EIF4G3: variants seen among roughly 807,000 people sequenced by gnomAD.
EIF4G3 encodes the protein eIF-4-gamma 3.
Under a neutral mutation model 186.4 loss-of-function variants are expected in EIF4G3, and 34 were observed. The observed-to-expected ratio is 0.18, with a 90% CI of 0.14 to 0.24. The LOEUF (loss-of-function observed/expected upper bound fraction) is 0.24. EIF4G3 is among the 10% of genes least tolerant of loss of function. The pLI is 1.00. For missense variants in EIF4G3, 1,536 were observed against 1,948.5 expected (o/e 0.79, Z 3.99); for synonymous variants, 673 against 679.5 (o/e 0.99, Z 0.15).
At chr1:20,967,926 T>C (rs1199603563) in intron 12 of EIF4G3, among the ~76,000 whole-genome samples, 1 of 152,186 alleles carries the variant, frequency 6.6e-6, no homozygotes, top group Non-Finnish European at 1.5e-5. Flanking sequence ...AATAGCTTTC[T>C]TTTTATCTGT....
chr1:21,002,675 T>C (rs765643920), intron 5 of EIF4G3, 38 bp downstream of exon 5: 5 of 1,607,168 alleles, frequency 3.1e-6, no homozygotes, highest in Admixed American at 1.7e-5. Flanking sequence ...CAAACACAGG[T>C]AGAGAATGTA....
Position 20,894,355 on chromosome 1 carries a change from G to A in EIF4G3, c.2134-719C>T, listed in dbSNP as rs536756582. Among the ~76,000 whole-genome samples the A allele has an allele frequency of 2.0e-5, 3 of 152,336 alleles. No homozygotes were observed. The South Asian group carries it at 6.2e-4, about 32-fold the overall frequency. On this transcript the variant is annotated intron_variant, in intron 17 of 36. Coordinates refer to ENST00000602326, the MANE Select transcript of EIF4G3 (RefSeq NM_001391906.1). ...AACACTTGACTTCTGAGGTACTGAAGTAGCCTCAAATTAGCACCATTAATC... is the reference window on the plus strand; with the variant it reads ...AACACTTGACTTCTGAGGTACTGAAATAGCCTCAAATTAGCACCATTAATC...
chr1:21,053,582 G>A (rs1242490325), intron 3 of EIF4G3, among the ~76,000 whole-genome samples: 4 of 146,922 alleles, frequency 2.7e-5, no homozygotes, highest in South Asian at 4.3e-4. Context: ...CGCCCTGTCC[G>A]GGAGGGAGGT....
intron 20 of EIF4G3, among the ~76,000 whole-genome samples, chr1:20,872,570 C>T (rs1238713862): frequency 6.6e-6 from 1 of 152,090 alleles, no homozygotes; most frequent in Non-Finnish European, 1.5e-5. Flanking sequence ...TCCATAAATA[C>T]CACCAGGTAT....
At chr1:20,974,268 T>C (rs1408887464) in intron 10 of EIF4G3, among the ~76,000 whole-genome samples, 1 of 152,132 alleles carries the variant, frequency 6.6e-6, no homozygotes, top group African/African-American at 2.4e-5. Context: ...CAAGACTAGA[T>C]AACTCAGGAA....
intron 10 of EIF4G3, among the ~76,000 whole-genome samples, chr1:20,978,635 C>G (rs1240391964): frequency 6.7e-6 from 1 of 148,732 alleles, no homozygotes; most frequent in African/African-American, 2.5e-5. Context: ...ATGCTGTACA[C>G]GCTACATGCC....
intron 19 of EIF4G3, among the ~76,000 whole-genome samples, chr1:20,883,177 C>T (rs889715475): frequency 2.6e-5 from 4 of 151,848 alleles, no homozygotes; most frequent in African/African-American, 9.7e-5. Context: ...ACAGTTATTG[C>T]CTTCTACAGA....
At chr1:21,042,392 C>T (rs1181318766) in intron 4 of EIF4G3, among the ~76,000 whole-genome samples, 1 of 152,104 alleles carries the variant, frequency 6.6e-6, no homozygotes, top group African/African-American at 2.4e-5. Context: ...CTTTACTATT[C>T]ATTGAGAAAA....
chr1:21,166,370 C>T (rs185850774), intron 2 of EIF4G3, among the ~76,000 whole-genome samples: 76 of 152,162 alleles, frequency 5.0e-4, no homozygotes, highest in African/African-American at 1.8e-3. Flanking sequence ...GTCAAGGCTA[C>T]TGTGAGCCAT....
chr1:21,083,037 C>CAAAAAAAAAAAAAAAA (rs544781256), intron 3 of EIF4G3, among the ~76,000 whole-genome samples: 9 of 66,422 alleles, frequency 1.4e-4, no homozygotes, highest in East Asian at 1.1e-3. Flanking sequence ...GACTCTGTCT[C>CAAAAAAAAAAAAAAAA]AAAAAAAAAA....
intron 3 of EIF4G3, among the ~76,000 whole-genome samples, chr1:21,062,505 TA>T (rs1367704296): frequency 6.6e-6 from 1 of 152,168 alleles, no homozygotes; most frequent in Non-Finnish European, 1.5e-5. Flanking sequence ...CCAATGTCAG[TA>T]GTCTCAGGAT....
At chr1:21,086,959 A>C (rs1410175839) in intron 3 of EIF4G3, among the ~76,000 whole-genome samples, 1 of 151,110 alleles carries the variant, frequency 6.6e-6, no homozygotes, top group Non-Finnish European at 1.5e-5. Flanking sequence ...AAAAAGAAAA[A>C]AAGAAATGGC....
At chr1:21,052,905 T>G (rs1276604960) in intron 3 of EIF4G3, among the ~76,000 whole-genome samples, 1 of 152,184 alleles carries the variant, frequency 6.6e-6, no homozygotes, top group Non-Finnish European at 1.5e-5. Context: ...CAGGCTGGAG[T>G]GCAGTGGCGT....
intron 15 of EIF4G3, among the ~76,000 whole-genome samples, chr1:20,904,179 T>C (rs144923370): frequency 6.6e-6 from 1 of 152,216 alleles, no homozygotes; most frequent in East Asian, 1.9e-4. Context: ...AGTTAACAGA[T>C]GACAGATTCA....
In EIF4G3 at chr1:20,970,570, G is replaced by A. The variant is rs977772177; in HGVS notation, c.592-974C>T. Among the ~76,000 whole-genome samples, 9 of 151,926 alleles carry A rather than the reference G, an allele frequency of 5.9e-5. No homozygotes were observed. The South Asian group carries it at 1.0e-3, about 18-fold the overall frequency. On this transcript the variant is annotated intron_variant, in intron 11 of 36. Coordinates refer to ENST00000602326, the MANE Select transcript of EIF4G3 (RefSeq NM_001391906.1). ...GGAGCTTGCAGTGAGCCAAGATCGC[G>A]CCACTGCACTCCAGCCTGGGCGACA...
intron 7 of EIF4G3, among the ~76,000 whole-genome samples, chr1:20,992,989 T>G (rs1016367196): frequency 6.6e-6 from 1 of 152,230 alleles, no homozygotes; most frequent in Admixed American, 6.5e-5. Context: ...GCAAAAATAG[T>G]TGACATATTT....
Position 20,948,542 on chromosome 1 carries a change from A to G in EIF4G3, c.823+1461T>C, listed in dbSNP as rs1395713055. Among the ~76,000 whole-genome samples the G allele has an allele frequency of 3.9e-5, 6 of 152,124 alleles. No homozygotes were observed. In the East Asian group the frequency reaches 1.2e-3, roughly 29 times the overall value. On this transcript the variant is annotated intron_variant, in intron 13 of 36. Coordinates refer to ENST00000602326, the MANE Select transcript of EIF4G3 (RefSeq NM_001391906.1). The stretch of plus-strand genomic sequence containing the variant: ...TACTCAGGGGGAAAATGAAATTTCT[A>G]TACTAAAAACACATATCATAATCTT...
chr1:21,036,405 A>G (rs937782254), intron 4 of EIF4G3, among the ~76,000 whole-genome samples: 6 of 152,194 alleles, frequency 3.9e-5, no homozygotes, highest in Non-Finnish European at 8.8e-5. Flanking sequence ...AAGGTGCCAC[A>G]GGCCACAGAG....
At chr1:21,049,884 C>G (rs2094114443) in intron 4 of EIF4G3, among the ~76,000 whole-genome samples, 1 of 152,008 alleles carries the variant, frequency 6.6e-6, no homozygotes, top group East Asian at 1.9e-4. Context: ...GAGCAAGACC[C>G]TGTCTTTAAA....
Sources: allele counts gnomAD v4.1 joint callset (sites outside exome capture counted in the v4.1 genomes callset), GRCh38; gene constraint gnomAD v4.1.1; transcripts MANE v1.5; gene names NCBI Gene and HGNC (gene_info 2026-07-23, HGNC 2026-07-21).